NACA: variants seen among roughly 807,000 people sequenced by gnomAD.
NACA encodes nascent polypeptide associated complex subunit alpha, also known as nascent polypeptide-associated complex subunit alpha.
NACA carries 42 observed loss-of-function variants against 86.4 expected under a neutral mutation model. The observed-to-expected ratio is 0.49, with a 90% CI of 0.38 to 0.63. The LOEUF is 0.63. Among genes scored for constraint, NACA ranks in the 20% least tolerant of loss-of-function variants. The pLI, the probability that NACA is intolerant of heterozygous loss-of-function variation, is 0.00. For missense variants in NACA, 2,157 were observed against 2,483.6 expected, an observed-to-expected ratio of 0.87 and a Z score of 2.80; for synonymous variants, 898 against 973.7, an observed-to-expected ratio of 0.92 and a Z score of 1.45.
chr12:56,723,256 C>T (rs1429214096), intron 2 of NACA, among the ~76,000 whole-genome samples: 1 of 152,170 alleles, frequency 6.6e-6, no homozygotes, highest in Non-Finnish European at 1.5e-5. Flanking sequence ...CTATGCAACT[C>T]AGACTATTCA....
Position 56,720,357 on chromosome 12 carries a change from T to G in NACA, c.1173A>C (p.Ile391=). The part of the protein sequence containing the change: ...VDKGPSTISS[I]TCSPSGSLNV... ...TTAAGGAGCCAGAAGGGCTGCAGGT[T>G]ATGCTAGAGATGGTAGAGGGACCTT... Residue 391 remains isoleucine, a synonymous_variant, in exon 3 of 9, where the codon ATA becomes ATC. Coordinates refer to ENST00000454682, the MANE Select transcript of NACA (RefSeq NM_001365896.1). 1 of 1,613,922 alleles carries G rather than the reference T, an allele frequency of 6.2e-7. No homozygotes were observed. Among genetic ancestry groups the G allele is most frequent in the South Asian group, 1.1e-5 (1 of 91,072 alleles).
At position 56,712,893 on chromosome 12, in the gene NACA, C is replaced by T. The variant is rs777322987; in HGVS notation, c.6115G>A (p.Val2039Ile). ...SEEEEVDETG[V>I]EVKDIELVMS... is the part of the protein sequence containing the mutation. ...ACCAATTCAATGTCCTTAACTTCTA[C>T]ACCTGTTTCATCGACCTGAGAGATG... is the stretch of plus-strand genomic sequence containing the variant. The change falls in exon 8 of 9, where the codon GTA becomes ATA. Residue 2039 changes from valine (V) to isoleucine (I), a missense_variant. By Grantham distance (29) the Val-to-Ile change is conservative. Transcript: ENST00000454682. 4.3e-6 allele frequency: 7 copies of T among 1,614,090 alleles called. No individual in the cohort carries two copies. In the Admixed American group the frequency reaches 1.0e-4, roughly 23 times the overall value.
At position 56,717,177 on chromosome 12, in the gene NACA, G is replaced by GAGGGAGGAGTTGCA; in HGVS notation, c.4352_4353insTGCAACTCCTCCCT (p.Pro1452AlafsTer24). 2 of 1,294,380 alleles carry GAGGGAGGAGTTGCA rather than the reference G, an allele frequency of 1.5e-6. No homozygotes were observed. The highest frequency in any genetic ancestry group is 1.6e-5 in the South Asian group (1 of 63,546). 80.2% of individuals were successfully genotyped at this position (1,294,380 alleles called of 1,614,324 possible). A position where few individuals can be genotyped will look rare whatever the true frequency, so the allele number is the denominator to read the frequency against. On this transcript the variant is annotated frameshift_variant, in exon 3 of 9. Transcript: ENST00000454682. LOFTEE classifies it high-confidence loss of function. ...ATGGGGTAGCTGGGCCTCCTTTGGG[G>GAGGGAGGAGTTGCA]GCTGAAGTTGCTGGGGCCTTTTTGA...
rs763092775 is a variant in NACA at position 56,721,180 on chromosome 12, G to C, written c.350C>G (p.Ala117Gly). ...IGPPISPAAL[A>G]LASPMIAPTL... is the part of the protein sequence containing the mutation. The stretch of plus-strand genomic sequence containing the variant: ...TGGAGCTATCATGGGAGAGGCTAGA[G>C]CTAAGGCAGCTGGGGAGATGGGAGG... The change falls in exon 3 of 9, where the codon GCT becomes GGT. Residue 117 changes from alanine (A) to glycine (G), a missense_variant. Ala to Gly is a moderately conservative substitution (Grantham distance 60). Coordinates refer to ENST00000454682, the MANE Select transcript of NACA (RefSeq NM_001365896.1). 6.2e-7 allele frequency: 1 copy of C among 1,613,982 alleles called. No homozygotes were observed. The highest frequency in any genetic ancestry group is 1.1e-5 in the South Asian group (1 of 91,080).
rs1953244989 is a variant in NACA at position 56,712,433 on chromosome 12, C to T, written c.*105G>A. On this transcript the variant is annotated 3_prime_UTR_variant, in exon 9 of 9. Coordinates refer to ENST00000454682, the MANE Select transcript of NACA (RefSeq NM_001365896.1). Reference sequence around the variant, plus strand: ...GAAGAGACCAGTCACCGACTGAATTCATCCAACAAGAAGCCATAACTTTAT... The same window carrying T: ...GAAGAGACCAGTCACCGACTGAATTTATCCAACAAGAAGCCATAACTTTAT... 2 of 1,175,194 alleles carry T rather than the reference C, an allele frequency of 1.7e-6. No individual in the cohort carries two copies. The highest frequency in any genetic ancestry group is 2.4e-6 in the Non-Finnish European group (2 of 819,338). The allele number at this position is 1,175,194 out of a possible 1,614,324, so 72.8% of individuals were successfully genotyped here. A position where few individuals can be genotyped will look rare whatever the true frequency, so the allele number is the denominator to read the frequency against.
chr12:56,724,434 G>A lies in NACA; in HGVS notation c.70+18C>T, dbSNP rs755812828. Reference sequence around the variant, plus strand: ...AGGGTTAATTTTAATTAATGGCAAGGAGGGTAGGGAAACCTACCTGTCTCA... The same window carrying A: ...AGGGTTAATTTTAATTAATGGCAAGAAGGGTAGGGAAACCTACCTGTCTCA... On this transcript the variant is annotated intron_variant, in intron 2 of 8. Transcript: ENST00000454682. 1.9e-6 allele frequency: 3 copies of A among 1,602,752 alleles called. No individual in the cohort carries two copies. The highest frequency in any genetic ancestry group is 2.6e-6 in the Non-Finnish European group (3 of 1,174,692).
chr12:56,712,752 G>C, intron 8 of NACA, 34 bp downstream of exon 8: 1 of 1,614,092 alleles, frequency 6.2e-7, no homozygotes. Context: ...GGTCAGGGCA[G>C]AGGGAGTCAA....
At position 56,718,898 on chromosome 12, in the gene NACA, C is replaced by G. The variant is rs148468202; in HGVS notation, c.2632G>C (p.Val878Leu). The G allele has an allele frequency of 1.2e-4, 177 of 1,426,216 alleles. No individual in the cohort carries two copies. The African/African-American group carries it at 1.8e-3, about 14-fold the overall frequency. 88.3% of individuals were successfully genotyped at this position (1,426,216 alleles called of 1,614,324 possible). ...GGGGTCTCTTTGGGGGGTAGTGTTA[C>G]TCCTTTGGGAGACAGAGGAGTCACA... ...SAVTPLSPKGVTLPPKETPTP... is the reference protein window; with the variant it reads ...SAVTPLSPKGLTLPPKETPTP... Residue 878 changes from valine (V) to leucine (L), a missense_variant, in exon 3 of 9, where the codon GTA (valine) becomes CTA (leucine). Physicochemically the swap from Val to Leu is conservative, Grantham distance 32. This residue lies in a region of NACA where 174 missense variants were observed against 217.0 expected (regional missense o/e 0.80). Coordinates refer to ENST00000454682, the MANE Select transcript of NACA (RefSeq NM_001365896.1).
In NACA at chr12:56,720,895, A is replaced by G. The variant is rs1953555371; in HGVS notation, c.635T>C (p.Val212Ala). The stretch of plus-strand genomic sequence containing the variant: ...CATGGGAGTCACACAGTGGTAAGGA[A>G]CAGTACTGACTATACATGGAGGGCT... ...TPSPPCIVST[V>A]PYHCVTPMAS... The change falls in exon 3 of 9, where the codon GTT becomes GCT. Residue 212 changes from valine (V) to alanine (A), a missense_variant. This residue lies in a region of NACA where 947 missense variants were observed against 917.9 expected (regional missense o/e 1.03). Transcript: ENST00000454682. 6.2e-7 allele frequency: 1 copy of G among 1,613,668 alleles called. No homozygotes were observed. Among genetic ancestry groups the G allele is most frequent in the Non-Finnish European group, 8.5e-7 (1 of 1,179,760 alleles).
Position 56,719,378 on chromosome 12 carries a change from AG to A in NACA, c.2151del (p.Cys718ValfsTer7). ...AGCACTAAGGTAGCCAGAGGAGCAC[AG>A]GTATTCTGGGGGGATGGAGCCACAG... ...NCPVAPSPQNTCAPLATLVLA... is the reference protein window; with the variant it reads ...NCPVAPSPQNXCAPLATLVLA... On this transcript the variant is annotated frameshift_variant, in exon 3 of 9. Coordinates refer to ENST00000454682, the MANE Select transcript of NACA (RefSeq NM_001365896.1). LOFTEE classifies it high-confidence loss of function. 1 of 1,610,626 alleles carries A rather than the reference AG, an allele frequency of 6.2e-7. No individual in the cohort carries two copies. Among genetic ancestry groups the A allele is most frequent in the South Asian group, 1.1e-5 (1 of 90,124 alleles).
Position 56,720,601 on chromosome 12 carries a change from G to C in NACA, c.929C>G (p.Ala310Gly). 6.2e-7 allele frequency: 1 copy of C among 1,613,990 alleles called. No individual in the cohort carries two copies. The highest frequency in any genetic ancestry group is 8.5e-7 in the Non-Finnish European group (1 of 1,179,904). ...ACCAAAAGAACTCTGATGTAAAGGT[G>C]CAAGATGAGAGCCCAGAGAAATGGG... is the stretch of plus-strand genomic sequence containing the variant. ...DFPISLGSHL[A>G]PLHQSSFGSV... Residue 310 changes from alanine to glycine, a missense_variant, in exon 3 of 9, where the codon GCA becomes GGA. Physicochemically the swap from Ala to Gly is moderately conservative, Grantham distance 60. Around this residue, in one of 8 missense-constraint regions of NACA, gnomAD observed 947 missense variants for 917.9 expected, o/e 1.03. Coordinates refer to ENST00000454682, the MANE Select transcript of NACA (RefSeq NM_001365896.1).
Position 56,720,422 on chromosome 12 carries a change from T to C in NACA, c.1108A>G (p.Thr370Ala), listed in dbSNP as rs1565898162. The C allele has an allele frequency of 6.2e-7, 1 of 1,613,798 alleles. No individual in the cohort carries two copies. Among genetic ancestry groups the C allele is most frequent in the Non-Finnish European group, 8.5e-7 (1 of 1,179,758 alleles). The stretch of plus-strand genomic sequence containing the variant: ...GCCACCACTGGAAAGGCAGCCACAG[T>C]AGCAGGAACTACCTCATTTCTGGAA... ...LPSRNEVVPATVAAFPVVAPS... is the reference protein window; with the variant it reads ...LPSRNEVVPAAVAAFPVVAPS... Residue 370 changes from threonine (T) to alanine (A), a missense_variant, in exon 3 of 9, where the codon ACT becomes GCT. By Grantham distance (58) the Thr-to-Ala change is moderately conservative (BLOSUM62 0). Coordinates refer to ENST00000454682, the MANE Select transcript of NACA (RefSeq NM_001365896.1).
rs371282739 is a variant in NACA, at chr12:56,720,677, C to T, written c.853G>A (p.Val285Met). 1 of 1,613,920 alleles carries T rather than the reference C, an allele frequency of 6.2e-7. No individual in the cohort carries two copies. Among genetic ancestry groups the T allele is most frequent in the African/African-American group, 1.3e-5 (1 of 75,024 alleles). The change falls in exon 3 of 9, where the codon GTG becomes ATG. Residue 285 changes from valine (V) to methionine (M), a missense_variant. Coordinates refer to ENST00000454682, the MANE Select transcript of NACA (RefSeq NM_001365896.1). ...ALSLSTQSLP[V>M]VTSSQKTAGP... ...GCAGTCTTTTGAGAAGAGGTCACCACAGGAAGAGACTGAGTTGAAAGAGAT... is the reference window on the plus strand; with the variant it reads ...GCAGTCTTTTGAGAAGAGGTCACCATAGGAAGAGACTGAGTTGAAAGAGAT...
At chr12:56,715,177 GTACACA>G (rs1322848195) in intron 3 of NACA, among the ~76,000 whole-genome samples, 4 of 152,172 alleles carry the variant, frequency 2.6e-5, no homozygotes, top group African/African-American at 4.8e-5. Context: ...AAGCAGACAC[GTACACA>G]TATTCAGCCT....
Position 56,718,975 on chromosome 12 carries a change from G to T in NACA, c.2555C>A (p.Thr852Lys), listed in dbSNP as rs372688513. 7 of 1,447,484 alleles carry T rather than the reference G, an allele frequency of 4.8e-6. No homozygotes were observed. The South Asian group carries it at 7.9e-5, about 16-fold the overall frequency. The allele number at this position is 1,447,484 out of a possible 1,614,324, so 89.7% of individuals were successfully genotyped here. A position where few individuals can be genotyped will look rare whatever the true frequency, so the allele number is the denominator to read the frequency against. The change falls in exon 3 of 9, where the codon ACG (threonine) becomes AAG (lysine). Residue 852 changes from threonine (T) to lysine (K), a missense_variant. Around this residue, in one of 8 missense-constraint regions of NACA, gnomAD observed 174 missense variants for 217.0 expected, o/e 0.80. Transcript: ENST00000454682. ...GGATGGAGGAGTGGGAGAATGCGTC[G>T]TGGCTGGTGAGTCTTTAGAGCCTTG... Reference protein sequence around the residue: ...SFQGSKDSPATTHSPTPPSPK... With the variant: ...SFQGSKDSPAKTHSPTPPSPK...
Position 56,719,134 on chromosome 12 carries a change from A to G in NACA, c.2396T>C (p.Val799Ala), listed in dbSNP as rs756346049. 1 of 1,458,218 alleles carries G rather than the reference A, an allele frequency of 6.9e-7. No homozygotes were observed. Among genetic ancestry groups the G allele is most frequent in the East Asian group, 3.0e-5 (1 of 33,682 alleles). 90.3% of individuals were successfully genotyped at this position (1,458,218 alleles called of 1,614,324 possible). A position where few individuals can be genotyped will look rare whatever the true frequency, so the allele number is the denominator to read the frequency against. The stretch of plus-strand genomic sequence containing the variant: ...TCTTTTAGTCTGAGGAGACACACTA[A>G]CCCCTAAAGGAGATGGGGAATCAGC... ...YLADSPSPLG[V>A]SVSPQTKRPP... Residue 799 changes from valine (V) to alanine (A), a missense_variant, in exon 3 of 9, where the codon GTT becomes GCT. Transcript: ENST00000454682.
At chr12:56,723,952 A>G (rs1482406680) in intron 2 of NACA, among the ~76,000 whole-genome samples, 1 of 152,196 alleles carries the variant, frequency 6.6e-6, no homozygotes, top group Non-Finnish European at 1.5e-5. Flanking sequence ...CCCATAAACA[A>G]GTTATCCGAC....
Position 56,719,765 on chromosome 12 carries a change from T to C in NACA, c.1765A>G (p.Thr589Ala). 3 of 1,613,666 alleles carry C rather than the reference T, an allele frequency of 1.9e-6. No individual in the cohort carries two copies. Among genetic ancestry groups the C allele is most frequent in the Non-Finnish European group, 2.5e-6 (3 of 1,179,856 alleles). Residue 589 changes from threonine to alanine, a missense_variant, in exon 3 of 9, where the codon ACC becomes GCC. By Grantham distance (58) the Thr-to-Ala change is moderately conservative. Around this residue, in one of 8 missense-constraint regions of NACA, gnomAD observed 947 missense variants for 917.9 expected, o/e 1.03. Transcript: ENST00000454682. ...SPEIPLSPEA[T>A]LAKKSLGEPL... ...TCCCCAAGGCTTTTCTTTGCTAGGG[T>C]GGCTTCAGGAGAAAGAGGTATCTCT...
Position 56,717,635 on chromosome 12 carries a change from C to T in NACA, c.3895G>A (p.Gly1299Arg), listed in dbSNP as rs1953419750. The T allele has an allele frequency of 7.4e-6, 9 of 1,217,116 alleles. No individual in the cohort carries two copies. Among genetic ancestry groups the T allele is most frequent in the Non-Finnish European group, 8.3e-6 (8 of 958,488 alleles). 75.4% of individuals were successfully genotyped at this position (1,217,116 alleles called of 1,614,324 possible). ...PAVVTPPSPK[G>R]GPATSPPKGA... ...TTGGGGGGTGAGGTAGCTGGGCCTC[C>T]TTTTGGAGAGGGAGGAGTTACAACT... The change falls in exon 3 of 9, where the codon GGA becomes AGA. Residue 1299 changes from glycine to arginine, a missense_variant. Physicochemically the swap from Gly to Arg is moderately radical, Grantham distance 125 (BLOSUM62 -2). Around this residue, in one of 8 missense-constraint regions of NACA, gnomAD observed 797 missense variants for 777.6 expected, o/e 1.02. Transcript: ENST00000454682.
Sources: allele counts gnomAD v4.1 joint callset (sites outside exome capture counted in the v4.1 genomes callset), GRCh38; gene constraint gnomAD v4.1.1; regional missense constraint gnomAD v4.1.1; transcripts MANE v1.5; gene names NCBI Gene and HGNC (gene_info 2026-07-23, HGNC 2026-07-21).